NAV2: variants seen among roughly 807,000 people sequenced by gnomAD.
NAV2 encodes helicase, APC down-regulated 1.
NAV2 carries 54 observed loss-of-function variants against 223.2 expected under a neutral mutation model. The ratio of observed to expected loss-of-function variants is 0.24; its 90% CI spans 0.19 to 0.30. The LOEUF is 0.30. NAV2 is among the 10% of genes least tolerant of loss of function. The probability of loss-of-function intolerance (pLI) is 1.00; values close to 1 mark genes in which losing one functional copy is unlikely to be tolerated. For missense variants in NAV2, 2,806 were observed against 3,147.5 expected (o/e 0.89, Z 2.60); for synonymous variants, 1,279 against 1,239.3 (o/e 1.03, Z -0.67).
chr11:19,927,220 C>A (rs1431346671), intron 6 of NAV2, among the ~76,000 whole-genome samples: 2 of 152,196 alleles, frequency 1.3e-5, no homozygotes, highest in South Asian at 2.1e-4. Context: ...GGTGGGCCAA[C>A]CTTGTAAGCT....
At chr11:19,422,963 A>G (rs1850678893) in intron 1 of NAV2, among the ~76,000 whole-genome samples, 1 of 152,204 alleles carries the variant, frequency 6.6e-6, no homozygotes, top group African/African-American at 2.4e-5. Context: ...TTGTAAATCT[A>G]AAAGAGTCAA....
rs115598658 is a variant in NAV2, at chr11:19,968,157, A to G, written c.2646-15968A>G. ...AACTTTACTACCTAGAGTTCATATGATGAAAACAAATAGGGTGTTGTTGTT... is the reference window on the plus strand; with the variant it reads ...AACTTTACTACCTAGAGTTCATATGGTGAAAACAAATAGGGTGTTGTTGTT... On this transcript the variant is annotated intron_variant, in intron 10 of 37. Coordinates refer to ENST00000349880, the MANE Select transcript of NAV2 (RefSeq NM_145117.5). 9.6e-3 allele frequency among the ~76,000 whole-genome samples: 1,464 copies of G among 152,270 alleles called. 32 individuals carry two copies. Among genetic ancestry groups the G allele is most frequent in the African/African-American group, 0.034 (1,392 of 41,552 alleles).
chr11:19,882,325 T>G, intron 5 of NAV2, among the ~76,000 whole-genome samples: 1 of 152,132 alleles, frequency 6.6e-6, no homozygotes, highest in East Asian at 1.9e-4. Flanking sequence ...AGATTAACTC[T>G]CGGGAATAAT....
At chr11:19,647,370 C>G (rs187390283) in intron 1 of NAV2, among the ~76,000 whole-genome samples, 5 of 152,120 alleles carry the variant, frequency 3.3e-5, no homozygotes, top group African/African-American at 1.2e-4. Context: ...AATGTCCCGG[C>G]TTTTCTGATC....
chr11:19,619,899 A>T (rs2046931408), intron 1 of NAV2, among the ~76,000 whole-genome samples: 1 of 152,240 alleles, frequency 6.6e-6, no homozygotes, highest in African/African-American at 2.4e-5. Flanking sequence ...TTTAGGTCTA[A>T]CATGTAAGTC....
chr11:19,397,617 C>T (rs68154047), intron 1 of NAV2, among the ~76,000 whole-genome samples: 58,904 of 151,870 alleles, frequency 0.39, 11,674 homozygotes, highest in East Asian at 0.53. Context: ...GAATTTGTCA[C>T]AACAAACAAG....
At chr11:19,629,200 C>A (rs1303164966) in intron 1 of NAV2, among the ~76,000 whole-genome samples, 1 of 152,060 alleles carries the variant, frequency 6.6e-6, no homozygotes, top group African/African-American at 2.4e-5. Flanking sequence ...GCCCTTGCCC[C>A]AACCCCACTC....
intron 7 of NAV2, among the ~76,000 whole-genome samples, chr11:19,936,541 C>T (rs2045925359): frequency 6.6e-6 from 1 of 152,152 alleles, no homozygotes; most frequent in South Asian, 2.1e-4. Flanking sequence ...AACTAACGTC[C>T]TTCTGTCCCC....
intron 11 of NAV2, among the ~76,000 whole-genome samples, chr11:20,007,014 T>A (rs933714854): frequency 3.9e-5 from 6 of 152,010 alleles, no homozygotes; most frequent in Non-Finnish European, 7.4e-5. Flanking sequence ...TGGAGTACAG[T>A]AGCACAATCT....
At chr11:19,435,311 GC>G in intron 1 of NAV2, among the ~76,000 whole-genome samples, 1 of 151,970 alleles carries the variant, frequency 6.6e-6, no homozygotes, top group Non-Finnish European at 1.5e-5. Context: ...CCATATATAA[GC>G]GAGACCATAT....
chr11:19,914,032 T>C (rs980490406), intron 6 of NAV2, among the ~76,000 whole-genome samples: 2 of 152,230 alleles, frequency 1.3e-5, no homozygotes, highest in Non-Finnish European at 2.9e-5. Flanking sequence ...TCAGAGCGAA[T>C]TTTTTAATTT....
chr11:19,849,118 T>C (rs2060969776), intron 3 of NAV2, among the ~76,000 whole-genome samples: 1 of 152,194 alleles, frequency 6.6e-6, no homozygotes, highest in African/African-American at 2.4e-5. Flanking sequence ...ATGATAAAGA[T>C]GCAGTTATTG....
chr11:19,556,644 GCTT>G (rs1263327962), intron 1 of NAV2, among the ~76,000 whole-genome samples: 1 of 152,082 alleles, frequency 6.6e-6, no homozygotes, highest in Non-Finnish European at 1.5e-5. Context: ...CAATATATGT[GCTT>G]CTTTTTAATA....
At chr11:19,908,958 A>G (rs1265175768) in intron 6 of NAV2, among the ~76,000 whole-genome samples, 5 of 152,188 alleles carry the variant, frequency 3.3e-5, no homozygotes, top group Admixed American at 6.5e-5. Flanking sequence ...GGAGAACTTC[A>G]TGAGTATGAG....
chr11:19,816,940 T>C (rs1349716773), intron 1 of NAV2, among the ~76,000 whole-genome samples: 1 of 152,078 alleles, frequency 6.6e-6, no homozygotes, highest in Non-Finnish European at 1.5e-5. Context: ...CAGCCCCTTA[T>C]GCAGAAAAAG....
intron 1 of NAV2, among the ~76,000 whole-genome samples, chr11:19,763,271 C>A (rs2054919086): frequency 2.0e-5 from 3 of 152,196 alleles, no homozygotes; most frequent in African/African-American, 7.2e-5. Flanking sequence ...TGTTCCATTT[C>A]TCTACCCTAT....
chr11:20,114,565 G>C, intron 36 of NAV2, 27 bp from the exon 37 acceptor site: 1 of 1,612,020 alleles, frequency 6.2e-7, no homozygotes, highest in East Asian at 2.2e-5. Context: ...GCCACTTCCA[G>C]ACTGTTCCTT....
intron 1 of NAV2, among the ~76,000 whole-genome samples, chr11:19,555,284 A>C (rs1342518234): frequency 1.3e-5 from 2 of 152,214 alleles, no homozygotes; most frequent in African/African-American, 2.4e-5. Context: ...TGGGGCTGGG[A>C]AGAGCTGCAG....
chr11:19,754,148 AG>A (rs1218449564), intron 1 of NAV2, among the ~76,000 whole-genome samples: 1 of 152,078 alleles, frequency 6.6e-6, no homozygotes, highest in Non-Finnish European at 1.5e-5. Flanking sequence ...CCATGAAAAA[AG>A]TTGGCCATTT....
Sources: allele counts gnomAD v4.1 joint callset (sites outside exome capture counted in the v4.1 genomes callset), GRCh38; gene constraint gnomAD v4.1.1; transcripts MANE v1.5; gene names NCBI Gene and HGNC (gene_info 2026-07-23, HGNC 2026-07-21).